Variants in VRK1 observed in about 807,000 individuals in gnomAD.
VRK1 encodes VRK serine/threonine kinase 1.
In VRK1, 33 loss-of-function variants were observed where a neutral mutation model predicts 57.1. That is an observed-to-expected ratio of 0.58 (90% CI 0.44 to 0.77). The LOEUF (loss-of-function observed/expected upper bound fraction) is 0.77, where lower values mean the gene tolerates loss of function less well. Among genes scored for constraint, VRK1 ranks in the 30% least tolerant of loss-of-function variants. The probability of loss-of-function intolerance (pLI) is 0.00; values close to 1 mark genes in which losing one functional copy is unlikely to be tolerated. For synonymous variants in VRK1, 137 were observed against 147.8 expected (o/e 0.93, Z 0.53); for missense variants, 413 against 477.3 (o/e 0.87, Z 1.25).
intron 1 of VRK1, among the ~76,000 whole-genome samples, chr14:96,816,138 C>T (rs1270711278): frequency 6.6e-6 from 1 of 152,058 alleles, no homozygotes; most frequent in Non-Finnish European, 1.5e-5. Flanking sequence ...TGAAGGGGCC[C>T]CCGTTGTCCA....
rs533211396 is a variant in VRK1 at position 96,852,730 on chromosome 14, T to C, written c.375-101T>C. The stretch of plus-strand genomic sequence containing the variant: ...ATTTCTTTTTTAAAGAATACTTCTT[T>C]ACTAAACATTGTCTTGAAAAAATTA... On this transcript the variant is annotated intron_variant, in intron 5 of 12. Transcript: ENST00000216639. The C allele has an allele frequency of 2.3e-4, 187 of 813,016 alleles. 4 individuals are homozygous for C. In the South Asian group the frequency reaches 2.6e-3, roughly 11 times the overall value. The allele number at this position is 813,016 out of a possible 1,614,324, so 50.4% of individuals were successfully genotyped here. A position where few individuals can be genotyped will look rare whatever the true frequency, so the allele number is the denominator to read the frequency against.
At chr14:96,876,521 G>T (rs1265585478) in intron 12 of VRK1, among the ~76,000 whole-genome samples, 6 of 152,000 alleles carry the variant, frequency 3.9e-5, no homozygotes, top group Non-Finnish European at 5.9e-5. Context: ...TAAAATAAAT[G>T]ACTGAGCTGT....
chr14:96,833,638 G>A lies in VRK1; in HGVS notation c.160+7G>A, dbSNP rs1324520605. Reference sequence around the variant, plus strand: ...TTTGGCTGTATATATCTTGGTAAGTGTGTGACTGCTTCTAATGATCAATCC... The same window carrying A: ...TTTGGCTGTATATATCTTGGTAAGTATGTGACTGCTTCTAATGATCAATCC... On this transcript the variant is annotated splice_region_variant and intron_variant, in intron 2 of 12. Coordinates refer to ENST00000216639, the MANE Select transcript of VRK1 (RefSeq NM_003384.3). 6.2e-7 allele frequency: 1 copy of A among 1,613,386 alleles called. No individual in the cohort carries two copies. The highest frequency in any genetic ancestry group is 1.3e-5 in the African/African-American group (1 of 74,896).
intron 1 of VRK1, among the ~76,000 whole-genome samples, chr14:96,824,874 C>T (rs936460986): frequency 5.3e-5 from 8 of 151,976 alleles, no homozygotes; most frequent in South Asian, 2.1e-4. Context: ...AGGATGGTCT[C>T]GATCTCCTGA....
chr14:96,857,549 T>C (rs1888214171), intron 10 of VRK1, among the ~76,000 whole-genome samples: 1 of 152,052 alleles, frequency 6.6e-6, no homozygotes, highest in African/African-American at 2.4e-5. Flanking sequence ...CTGCTTATCC[T>C]GAGGGGAAGG....
rs535647097 is a variant in VRK1 at position 96,827,249 on chromosome 14, CTATT to C, written c.-5-6214_-5-6211del. Among the ~76,000 whole-genome samples, 492 of 152,120 alleles carry C rather than the reference CTATT, an allele frequency of 3.2e-3. 4 individuals carry two copies. Among genetic ancestry groups the C allele is most frequent in the African/African-American group, 0.011 (469 of 41,498 alleles). On this transcript the variant is annotated intron_variant, in intron 1 of 12. Transcript: ENST00000216639. ...AACTCCAAATTCACCCCTTTTTGCT[CTATT>C]TATATACTCGAGCCAGACCTTTTAA...
At chr14:96,846,069 G>A (rs1476273818) in intron 3 of VRK1, 26 bp from the exon 4 acceptor site, 1 of 1,587,052 alleles carries the variant, frequency 6.3e-7, no homozygotes, top group Non-Finnish European at 8.7e-7. Flanking sequence ...ACTACTGCTA[G>A]TACTAATTAA....
chr14:96,799,729 T>A (rs950572638), intron 1 of VRK1, among the ~76,000 whole-genome samples: 5 of 152,176 alleles, frequency 3.3e-5, no homozygotes, highest in African/African-American at 1.2e-4. Flanking sequence ...GTTCTGAGAA[T>A]GGATTGGTAG....
intron 1 of VRK1, among the ~76,000 whole-genome samples, chr14:96,806,908 C>T (rs1456386921): frequency 1.3e-5 from 2 of 151,300 alleles, no homozygotes; most frequent in African/African-American, 4.9e-5. Context: ...CTCACTGCCA[C>T]CTTGATTTCC....
intron 11 of VRK1, 59 bp downstream of exon 11, chr14:96,860,794 C>T (rs1029596521): frequency 1.3e-6 from 2 of 1,574,918 alleles, no homozygotes; most frequent in Non-Finnish European, 1.7e-6. Flanking sequence ...GCAATAAATA[C>T]TAAAAGAAAG....
intron 1 of VRK1, among the ~76,000 whole-genome samples, chr14:96,819,801 A>G (rs1020726194): frequency 6.6e-6 from 1 of 152,200 alleles, no homozygotes; most frequent in South Asian, 2.1e-4. Context: ...GGTCAGGTGA[A>G]TATGGCGGAT....
intron 7 of VRK1, 85 bp from the exon 8 acceptor site, chr14:96,855,139 T>G (rs1888101147): frequency 6.2e-7 from 1 of 1,604,230 alleles, no homozygotes; most frequent in East Asian, 2.2e-5. Flanking sequence ...CACCTTCAGA[T>G]GCCAGTATTT....
rs532884922 is a variant in VRK1, at chr14:96,870,256, C to T, written c.1069-5774C>T. On this transcript the variant is annotated intron_variant, in intron 11 of 12. Transcript: ENST00000216639. ...AAGAGGCCAGGTGACTTGTTCAGGGCTGTGAAATCATTATTATTATGCATT... is the reference window on the plus strand; with the variant it reads ...AAGAGGCCAGGTGACTTGTTCAGGGTTGTGAAATCATTATTATTATGCATT... 2.0e-5 allele frequency among the ~76,000 whole-genome samples: 3 copies of T among 152,082 alleles called. No homozygotes were observed. The South Asian group carries it at 6.2e-4, about 32-fold the overall frequency.
intron 1 of VRK1, among the ~76,000 whole-genome samples, chr14:96,811,036 T>C (rs1886175537): frequency 6.6e-6 from 1 of 152,058 alleles, no homozygotes; most frequent in Non-Finnish European, 1.5e-5. Context: ...TTCAAGCGGT[T>C]CTCCCACCTC....
At position 96,823,395 on chromosome 14, in the gene VRK1, T is replaced by A. The variant is rs1424348451; in HGVS notation, c.-5-10072T>A. Among the ~76,000 whole-genome samples, 3 of 152,192 alleles carry A rather than the reference T, an allele frequency of 2.0e-5. No homozygotes were observed. The East Asian group carries it at 5.8e-4, about 29-fold the overall frequency. ...CATTACCCTTCATGAATTTACATAA[T>A]CCACAGTTAACATTTATTTATTGCT... On this transcript the variant is annotated intron_variant, in intron 1 of 12. Transcript: ENST00000216639.
chr14:96,869,847 G>A (rs939694413), intron 11 of VRK1, among the ~76,000 whole-genome samples: 2 of 152,128 alleles, frequency 1.3e-5, no homozygotes, highest in African/African-American at 4.8e-5. Context: ...AGATCAGGTA[G>A]TATGTTTTTA....
At chr14:96,805,527 G>A (rs1802569963) in intron 1 of VRK1, among the ~76,000 whole-genome samples, 2 of 152,122 alleles carry the variant, frequency 1.3e-5, no homozygotes, top group South Asian at 2.1e-4. Flanking sequence ...CTCCCCTGCC[G>A]TTTATCTGTG....
chr14:96,864,564 A>C (rs1888509672), intron 11 of VRK1, among the ~76,000 whole-genome samples: 1 of 152,152 alleles, frequency 6.6e-6, no homozygotes, highest in Non-Finnish European at 1.5e-5. Context: ...GCTGTTAAGA[A>C]CATTATTTTA....
chr14:96,875,299 A>G (rs2139844449), intron 11 of VRK1, among the ~76,000 whole-genome samples: 1 of 152,306 alleles, frequency 6.6e-6, no homozygotes, highest in East Asian at 1.9e-4. Context: ...GGAAGAATGG[A>G]TGGTGACAGA....
Sources: gnomAD v4.1 joint callset for allele counts (sites outside exome capture counted in the v4.1 genomes callset) on GRCh38, gnomAD v4.1.1 for gene constraint, MANE v1.5 for transcripts, NCBI Gene and HGNC (gene_info 2026-07-23, HGNC 2026-07-21) for gene names.